Variants in SPSB4 observed in about 807,000 individuals in gnomAD.
The protein encoded by SPSB4 is splA/ryanodine receptor domain and SOCS box containing 4.
SPSB4 carries 21 observed loss-of-function variants against 20.9 expected under a neutral mutation model. The ratio of observed to expected loss-of-function variants is 1.01; its 90% confidence interval spans 0.71 to 1.45. The LOEUF (loss-of-function observed/expected upper bound fraction) is 1.45. Ranked by LOEUF, SPSB4 falls within the 40% of genes most tolerant of loss-of-function variation. The pLI is 0.00. For synonymous variants in SPSB4, 207 were observed against 183.8 expected (o/e 1.13, Z -1.02); for missense variants, 399 against 399.2 (o/e 1.00, Z 0.00).
chr3:141,104,279 T>A (rs775635156), intron 2 of SPSB4, among the ~76,000 whole-genome samples: 1 of 151,098 alleles, frequency 6.6e-6, no homozygotes, highest in Non-Finnish European at 1.5e-5. Context: ...GCAGTGGGAG[T>A]GGCAGGAGCA....
intron 2 of SPSB4, among the ~76,000 whole-genome samples, chr3:141,145,071 C>G (rs920761081): frequency 2.6e-5 from 4 of 151,990 alleles, no homozygotes; most frequent in Non-Finnish European, 5.9e-5. Flanking sequence ...CCTTCTGCAC[C>G]TGGAAAATAG....
At position 141,062,112 on chromosome 3, in the gene SPSB4, C is replaced by T. The variant is rs866641759; in HGVS notation, c.-153-3840C>T. On this transcript the variant is annotated intron_variant, in intron 1 of 2. Transcript: ENST00000310546. ...AATTGTTAGGTCTCCTTAGGGCCCT[C>T]TTCACTATGATGGTTTCTCAGACTT... Among the ~76,000 whole-genome samples the T allele has an allele frequency of 8.0e-4, 122 of 152,312 alleles. 1 individual carries two copies. Among genetic ancestry groups the T allele is most frequent in the Non-Finnish European group, 3.8e-4 (26 of 68,044 alleles).
chr3:141,071,818 G>A lies in SPSB4; in HGVS notation c.694+5020G>A, dbSNP rs142036947. 1.4e-3 allele frequency among the ~76,000 whole-genome samples: 218 copies of A among 152,360 alleles called. 1 individual carries two copies. The highest frequency in any genetic ancestry group is 3.6e-3 in the Admixed American group (55 of 15,310). On this transcript the variant is annotated intron_variant, in intron 2 of 2. Coordinates refer to ENST00000310546, the MANE Select transcript of SPSB4 (RefSeq NM_080862.3). ...AGCCGAGGAAGCTGTATTTCCAGAC[G>A]TCTTTCCTAGATGGTTTAATTGATC...
At chr3:141,088,367 C>A (rs147684426) in intron 2 of SPSB4, among the ~76,000 whole-genome samples, 8 of 152,280 alleles carry the variant, frequency 5.3e-5, no homozygotes, top group Admixed American at 1.3e-4. Flanking sequence ...AATTTTCCTG[C>A]GTCTTTGCGC....
Position 141,066,286 on chromosome 3 carries a change from G to T in SPSB4, c.182G>T (p.Arg61Leu), listed in dbSNP as rs139284721. 15 of 1,566,480 alleles carry T rather than the reference G, an allele frequency of 9.6e-6. No homozygotes were observed. The highest frequency in any genetic ancestry group is 1.3e-5 in the Non-Finnish European group (15 of 1,157,370). Residue 61 changes from arginine (R) to leucine (L), a missense_variant, in exon 2 of 3, where the codon CGC becomes CTC. Coordinates refer to ENST00000310546, the MANE Select transcript of SPSB4 (RefSeq NM_080862.3). ...QLRHAWNPED[R>L]SLNVFVKDDD... The stretch of plus-strand genomic sequence containing the variant: ...CGGCACGCGTGGAACCCCGAGGACC[G>T]CTCGCTCAACGTCTTCGTCAAGGAC...
chr3:141,122,967 A>G (rs1184829375), intron 2 of SPSB4, among the ~76,000 whole-genome samples: 1 of 152,214 alleles, frequency 6.6e-6, no homozygotes, highest in Non-Finnish European at 1.5e-5. Flanking sequence ...CAACCAGTCC[A>G]AATGAGATGA....
At chr3:141,116,367 T>C (rs1938880231) in intron 2 of SPSB4, among the ~76,000 whole-genome samples, 1 of 152,236 alleles carries the variant, frequency 6.6e-6, no homozygotes, top group African/African-American at 2.4e-5. Context: ...GGTCCCTCAC[T>C]CTGGCTGAGC....
chr3:141,075,892 C>CA (rs532646509), intron 2 of SPSB4, among the ~76,000 whole-genome samples: 2,069 of 68,802 alleles, frequency 0.03, 22 homozygotes, highest in Non-Finnish European at 0.049. Context: ...ACTAAAAATA[C>CA]AAAAAAAAAA....
Position 141,080,956 on chromosome 3 carries a change from C to T in SPSB4, c.694+14158C>T, listed in dbSNP as rs12107364. 7.5e-3 allele frequency among the ~76,000 whole-genome samples: 1,140 copies of T among 152,340 alleles called. 19 individuals carry two copies. Among genetic ancestry groups the T allele is most frequent in the African/African-American group, 0.026 (1,073 of 41,570 alleles). ...GGCCCAGTGGGCTCCAGCTTGCCCA[C>T]TTGCTCTGTGACCTCGGGGAAGTCA... On this transcript the variant is annotated intron_variant, in intron 2 of 2. Transcript: ENST00000310546.
In SPSB4 at chr3:141,060,804, C is replaced by T. The variant is rs183551339; in HGVS notation, c.-153-5148C>T. ...AGCATGCGTTATCCATTTTTTTGAC[C>T]TTTAATAAGCTGATAGACAAAAATG... On this transcript the variant is annotated intron_variant, in intron 1 of 2. Coordinates refer to ENST00000310546, the MANE Select transcript of SPSB4 (RefSeq NM_080862.3). Among the ~76,000 whole-genome samples, 8 of 152,264 alleles carry T rather than the reference C, an allele frequency of 5.3e-5. 1 individual carries two copies. The highest frequency in any genetic ancestry group is 1.9e-4 in the African/African-American group (8 of 41,552).
chr3:141,077,250 G>C (rs1171856087), intron 2 of SPSB4: 1 of 152,244 alleles, frequency 6.6e-6, no homozygotes, highest in Non-Finnish European at 1.5e-5. Context: ...GCGTGAGCTT[G>C]GAAAATACTG....
chr3:141,057,081 GC>G (rs1937660762), intron 1 of SPSB4, among the ~76,000 whole-genome samples: 1 of 152,246 alleles, frequency 6.6e-6, no homozygotes. Context: ...AGGAAAACAG[GC>G]GTGAGATGAT....
chr3:141,145,349 C>T (rs1375671736), intron 2 of SPSB4, among the ~76,000 whole-genome samples: 1 of 152,124 alleles, frequency 6.6e-6, no homozygotes, highest in Admixed American at 6.5e-5. Flanking sequence ...TTGTGCACAG[C>T]TTCCAAAGCA....
At chr3:141,065,646 T>C (rs917360201) in intron 1 of SPSB4, among the ~76,000 whole-genome samples, 8 of 152,250 alleles carry the variant, frequency 5.3e-5, no homozygotes, top group African/African-American at 1.7e-4. Flanking sequence ...GCTCAGTCAC[T>C]TATTTGCAGT....
chr3:141,122,370 G>A (rs1938981960), intron 2 of SPSB4, among the ~76,000 whole-genome samples: 1 of 152,198 alleles, frequency 6.6e-6, no homozygotes, highest in Non-Finnish European at 1.5e-5. Flanking sequence ...AGGCTACACA[G>A]GGGTCAGGGA....
intron 2 of SPSB4, among the ~76,000 whole-genome samples, chr3:141,073,732 G>A (rs1343396845): frequency 6.6e-6 from 1 of 152,164 alleles, no homozygotes; most frequent in Non-Finnish European, 1.5e-5. Flanking sequence ...TCTGCCACAG[G>A]GGGACTTGAG....
rs568791354 is a variant in SPSB4 at position 141,147,149 on chromosome 3, C to A, written c.702C>A (p.Pro234=). Residue 234 remains proline, a synonymous_variant, in exon 3 of 3, where the codon CCC becomes CCA. Coordinates refer to ENST00000310546, the MANE Select transcript of SPSB4 (RefSeq NM_080862.3). Reference sequence around the variant, plus strand: ...GCTTCCCTCTCATTGCAGCCGAGCCCCTGCCACTGATGGACCTGTGCCGGA... The same window carrying A: ...GCTTCCCTCTCATTGCAGCCGAGCCACTGCCACTGATGGACCTGTGCCGGA... ...MRYINGLDPE[P]LPLMDLCRRS... is the part of the protein sequence containing the mutation. The A allele has an allele frequency of 6.2e-7, 1 of 1,614,110 alleles. No homozygotes were observed. The highest frequency in any genetic ancestry group is 8.5e-7 in the Non-Finnish European group (1 of 1,180,034).
chr3:141,082,006 A>T (rs1938242121), intron 2 of SPSB4, among the ~76,000 whole-genome samples: 1 of 152,096 alleles, frequency 6.6e-6, no homozygotes, highest in South Asian at 2.1e-4. Flanking sequence ...TCCCTCCTGT[A>T]TCCCCAACAG....
intron 2 of SPSB4, among the ~76,000 whole-genome samples, chr3:141,067,983 G>T (rs1937923350): frequency 6.6e-6 from 1 of 152,228 alleles, no homozygotes; most frequent in African/African-American, 2.4e-5. Flanking sequence ...CCCCAGTTCT[G>T]ATGGCCCTGA....
Sources: allele counts gnomAD v4.1 joint callset (sites outside exome capture counted in the v4.1 genomes callset), GRCh38; gene constraint gnomAD v4.1.1; transcripts MANE v1.5; gene names NCBI Gene and HGNC (gene_info 2026-07-23, HGNC 2026-07-21).